The following HTR2C variants were observed in gnomAD, a reference collection of about 807,000 sequenced individuals.
HTR2C encodes 5-hydroxytryptamine receptor 2C.
Under a neutral mutation model 21.0 loss-of-function variants are expected in HTR2C, and 5 were observed. That is an observed-to-expected ratio of 0.24 (90% CI 0.12 to 0.50). HTR2C has a LOEUF of 0.50. HTR2C is among the 20% of genes least tolerant of loss of function. HTR2C has a pLI of 0.98. For synonymous variants in HTR2C, 150 were observed against 145.3 expected (o/e 1.03, Z -0.23); for missense variants, 271 against 371.2 (o/e 0.73, Z 2.22).
At chrX:114,869,817 A>G (rs955862155) in intron 5 of HTR2C, among the ~76,000 whole-genome samples, 2 of 111,366 alleles carry the variant, frequency 1.8e-5, no homozygotes, top group Admixed American at 9.5e-5. Flanking sequence ...TATGGCTTTT[A>G]TTATGTTGAG....
intron 5 of HTR2C, 96 bp downstream of exon 5, chrX:114,848,299 A>C (rs966996363): frequency 2.1e-5 from 11 of 522,647 alleles, no homozygotes; most frequent in Non-Finnish European, 3.3e-5. Context: ...GACTGGTAAC[A>C]TTTGCGTTTG....
At chrX:114,732,055 A>T (rs1158512221) in intron 4 of HTR2C, among the ~76,000 whole-genome samples, 1 of 111,889 alleles carries the variant, frequency 8.9e-6, no homozygotes, top group Non-Finnish European at 1.9e-5. Context: ...TGGTTGACAC[A>T]AAACAGGCAC....
chrX:114,837,722 CAA>C (rs1556464514), intron 4 of HTR2C, among the ~76,000 whole-genome samples: 6 of 109,372 alleles, frequency 5.5e-5, no homozygotes, highest in Non-Finnish European at 1.1e-4. Flanking sequence ...CACCGATAAA[CAA>C]GAGATCATTT....
At chrX:114,775,494 G>T in intron 4 of HTR2C, 2 of 501,655 alleles carry the variant, frequency 4.0e-6, no homozygotes, top group Admixed American at 4.8e-5. Context: ...CTGTCAGAAG[G>T]TCTCTGTCTG....
intron 2 of HTR2C, among the ~76,000 whole-genome samples, chrX:114,684,180 AT>A (rs1418366179): frequency 8.9e-6 from 1 of 111,779 alleles, no homozygotes; most frequent in Non-Finnish European, 1.9e-5. Context: ...GTATTTTTAT[AT>A]TTTTTCATCA....
intron 4 of HTR2C, among the ~76,000 whole-genome samples, chrX:114,800,617 T>C (rs2070336522): frequency 9.0e-6 from 1 of 111,577 alleles, no homozygotes; most frequent in Admixed American, 9.6e-5. Context: ...TTTTCTCATA[T>C]ATTATGCCAA....
intron 2 of HTR2C, among the ~76,000 whole-genome samples, chrX:114,726,256 G>A (rs1200416102): frequency 8.9e-6 from 1 of 112,399 alleles, no homozygotes; most frequent in East Asian, 2.8e-4. Flanking sequence ...GCGCAGTATT[G>A]GGGTGGGAGT....
intron 4 of HTR2C, among the ~76,000 whole-genome samples, chrX:114,741,045 TTAGC>T (rs201878701): frequency 0.013 from 1,486 of 111,611 alleles, 16 homozygotes; most frequent in Non-Finnish European, 0.021. Context: ...TAGGTGATAG[TTAGC>T]TAGCTAGCTA....
chrX:114,701,661 C>T (rs1281367358), intron 2 of HTR2C, among the ~76,000 whole-genome samples: 4 of 112,321 alleles, frequency 3.6e-5, no homozygotes, highest in Admixed American at 1.9e-4. Context: ...CACCTCTCCT[C>T]ATCCAAAGGA....
intron 4 of HTR2C, among the ~76,000 whole-genome samples, chrX:114,787,938 C>A (rs1481841598): frequency 1.1e-5 from 1 of 95,025 alleles, no homozygotes; most frequent in Non-Finnish European, 2.1e-5. Context: ...CAGAGCGAGA[C>A]TCTGTCTCAA....
In HTR2C at chrX:114,705,265, A is replaced by G. The variant is rs782233036; in HGVS notation, c.-79-21593A>G. On this transcript the variant is annotated intron_variant, in intron 2 of 5. Transcript: ENST00000276198. ...GCATTGCCAAGTCAATCCTAAACCAAAAGAACAAAGCTGGAGGCATCACAC... is the reference window on the plus strand; with the variant it reads ...GCATTGCCAAGTCAATCCTAAACCAGAAGAACAAAGCTGGAGGCATCACAC... Among the ~76,000 whole-genome samples the G allele has an allele frequency of 2.7e-3, 301 of 111,647 alleles. 1 individual carries two copies. The highest frequency in any genetic ancestry group is 9.2e-3 in the African/African-American group (282 of 30,695).
At chrX:114,717,930 C>T (rs1045279677) in intron 2 of HTR2C, among the ~76,000 whole-genome samples, 1 of 37,098 alleles carries the variant, frequency 2.7e-5, no homozygotes, top group East Asian at 0.01. Flanking sequence ...TATGGCTCTT[C>T]TGCTCAAAAA....
chrX:114,705,405 A>T (rs1932743735), intron 2 of HTR2C, among the ~76,000 whole-genome samples: 1 of 109,701 alleles, frequency 9.1e-6, no homozygotes, highest in Non-Finnish European at 1.9e-5. Flanking sequence ...ATAACGCCTC[A>T]TATCTACAAC....
chrX:114,632,751 G>A (rs1929682385), intron 2 of HTR2C, among the ~76,000 whole-genome samples: 1 of 110,609 alleles, frequency 9.0e-6, no homozygotes, highest in African/African-American at 3.3e-5. Context: ...AAACCTCCTT[G>A]TCTTGATGTT....
chrX:114,801,980 A>T (rs1187270039), intron 4 of HTR2C, among the ~76,000 whole-genome samples: 2 of 111,133 alleles, frequency 1.8e-5, no homozygotes, highest in Admixed American at 1.9e-4. Context: ...TTAAATATTA[A>T]TTTGGTTACA....
chrX:114,600,421 C>A (rs1928037141), intron 1 of HTR2C, among the ~76,000 whole-genome samples: 1 of 109,764 alleles, frequency 9.1e-6, no homozygotes, highest in Non-Finnish European at 1.9e-5. Flanking sequence ...TCATATATCG[C>A]CTTCTACAAA....
Position 114,848,213 on chromosome X carries a change from AC to A in HTR2C, c.550+11del. 2 of 1,179,453 alleles carry A rather than the reference AC, an allele frequency of 1.7e-6. No individual in the cohort carries two copies. The highest frequency in any genetic ancestry group is 2.3e-6 in the Non-Finnish European group (2 of 867,411). On this transcript the variant is annotated intron_variant, in intron 5 of 5. Coordinates refer to ENST00000276198, the MANE Select transcript of HTR2C (RefSeq NM_000868.4). The stretch of plus-strand genomic sequence containing the variant: ...TGGGCAATTTCTATAGGTAAATAAA[AC>A]TTTTTGGCCATAAGAATTGCAGCGG...
intron 2 of HTR2C, among the ~76,000 whole-genome samples, chrX:114,699,812 G>A (rs1556416385): frequency 8.9e-6 from 1 of 112,150 alleles, no homozygotes; most frequent in East Asian, 2.8e-4. Flanking sequence ...TTATGGAAGA[G>A]GAGAAGAAAT....
intron 4 of HTR2C, among the ~76,000 whole-genome samples, chrX:114,791,160 T>C (rs188854768): frequency 2.4e-4 from 27 of 112,883 alleles, no homozygotes; most frequent in African/African-American, 8.6e-4. Context: ...TAAATGGGCT[T>C]ACATAATACA....
Sources: allele counts gnomAD v4.1 joint callset (sites outside exome capture counted in the v4.1 genomes callset), GRCh38; gene constraint gnomAD v4.1.1; transcripts MANE v1.5; gene names NCBI Gene and HGNC (gene_info 2026-07-23, HGNC 2026-07-21).